The following DLG2 variants were observed in gnomAD, a reference collection of about 807,000 sequenced individuals.
DLG2 encodes disks large homolog 2.
In DLG2, 45 loss-of-function variants were observed where a neutral mutation model predicts 132.5. That is an observed-to-expected ratio of 0.34 (90% CI 0.27 to 0.44). The LOEUF (loss-of-function observed/expected upper bound fraction) is 0.44, where lower values mean the gene tolerates loss of function less well. Ranked by LOEUF, DLG2 falls within the 20% of genes least tolerant of loss-of-function variation. The pLI is 1.00. For missense variants in DLG2, 1,045 were observed against 1,196.9 expected, an observed-to-expected ratio of 0.87 and a Z score of 1.87; for synonymous variants, 424 against 419.6, an observed-to-expected ratio of 1.01 and a Z score of -0.13.
intron 2 of DLG2, among the ~76,000 whole-genome samples, chr11:85,625,765 CTT>C (rs2081996763): frequency 6.6e-6 from 1 of 152,298 alleles, no homozygotes; most frequent in South Asian, 2.1e-4. Flanking sequence ...ATTCAAAACT[CTT>C]GAGAAACTCT....
intron 18 of DLG2, among the ~76,000 whole-genome samples, chr11:83,687,666 A>G (rs2080058952): frequency 6.6e-6 from 1 of 151,858 alleles, no homozygotes; most frequent in African/African-American, 2.4e-5. Flanking sequence ...CTTTCATTTT[A>G]TTGACAAGAT....
chr11:85,416,458 G>GT (rs540610964), intron 3 of DLG2, among the ~76,000 whole-genome samples: 30 of 151,982 alleles, frequency 2.0e-4, no homozygotes, highest in African/African-American at 6.5e-4. Flanking sequence ...ATTTAAAGAA[G>GT]TTTTTTTTAA....
At chr11:84,040,282 T>G (rs1377413121) in intron 11 of DLG2, among the ~76,000 whole-genome samples, 7 of 152,102 alleles carry the variant, frequency 4.6e-5, no homozygotes, top group Non-Finnish European at 1.0e-4. Flanking sequence ...GTTTTGGACA[T>G]GAAGTCCTTG....
intron 18 of DLG2, 25 bp from the exon 19 acceptor site, chr11:83,633,350 A>G (rs1313157692): frequency 1.2e-6 from 2 of 1,600,484 alleles, no homozygotes; most frequent in Non-Finnish European, 1.7e-6. Flanking sequence ...AAAGGTAGCA[A>G]ATTTTGCTCT....
At position 85,348,395 on chromosome 11, in the gene DLG2, G is replaced by GT. The variant is rs538600938; in HGVS notation, c.41-63031dup. On this transcript the variant is annotated intron_variant, in intron 3 of 27. Coordinates refer to ENST00000376104, the MANE Select transcript of DLG2 (RefSeq NM_001142699.3). ...GCACCACCAAGCCCAGCTAATTTTT[G>GT]TACTTTCTTAGTAGAGACAGGGTTT... Among the ~76,000 whole-genome samples, 33 of 151,216 alleles carry GT rather than the reference G, an allele frequency of 2.2e-4. No homozygotes were observed. In the East Asian group the frequency reaches 6.3e-3, roughly 29 times the overall value.
At chr11:85,402,186 C>T (rs2152966090) in intron 3 of DLG2, among the ~76,000 whole-genome samples, 1 of 152,208 alleles carries the variant, frequency 6.6e-6, no homozygotes, top group African/African-American at 2.4e-5. Context: ...GAAATAACAC[C>T]ACACATCTAC....
At chr11:83,578,177 T>C (rs2096914185) in intron 19 of DLG2, among the ~76,000 whole-genome samples, 1 of 150,622 alleles carries the variant, frequency 6.6e-6, no homozygotes, top group Non-Finnish European at 1.5e-5. Flanking sequence ...GTACATGAAG[T>C]ATTATAATAT....
chr11:84,817,926 C>T (rs1180978743), intron 6 of DLG2, among the ~76,000 whole-genome samples: 4 of 151,928 alleles, frequency 2.6e-5, no homozygotes, highest in Non-Finnish European at 5.9e-5. Flanking sequence ...AGAATATTTT[C>T]TTCTCTAAAA....
At chr11:85,139,078 AAACTGATTTCCCCTAATTAG>A (rs1351685950) in intron 5 of DLG2, among the ~76,000 whole-genome samples, 27 of 152,140 alleles carry the variant, frequency 1.8e-4, no homozygotes, top group African/African-American at 6.5e-4. Context: ...AGACCTTCCC[AAACTGATTTCCCCTAATTAG>A]AATCTCTTCC....
chr11:83,629,502 T>A (rs1384387027), intron 19 of DLG2, among the ~76,000 whole-genome samples: 2 of 152,176 alleles, frequency 1.3e-5, no homozygotes, highest in African/African-American at 2.4e-5. Context: ...TCTCCCAGCA[T>A]CCTGGGTACT....
chr11:84,670,062 T>C (rs180843536), intron 6 of DLG2, among the ~76,000 whole-genome samples: 1 of 152,220 alleles, frequency 6.6e-6, no homozygotes, highest in East Asian at 1.9e-4. Context: ...AATGTATACA[T>C]AAGGACTGGA....
chr11:83,876,271 A>C (rs952822425), intron 15 of DLG2, among the ~76,000 whole-genome samples: 1 of 152,156 alleles, frequency 6.6e-6, no homozygotes, highest in Non-Finnish European at 1.5e-5. Context: ...TTGTTAAATA[A>C]ATAAACCATT....
chr11:83,874,333 G>C, intron 16 of DLG2, 87 bp downstream of exon 16: 1 of 874,720 alleles, frequency 1.1e-6, no homozygotes, highest in Non-Finnish European at 1.7e-6. Context: ...GGGAGGGAAG[G>C]AGAAAGAGAG....
intron 6 of DLG2, among the ~76,000 whole-genome samples, chr11:84,650,859 G>A (rs1565560613): frequency 2.3e-5 from 2 of 86,062 alleles, no homozygotes; most frequent in Non-Finnish European, 2.3e-5. Context: ...ATGTGTGTGT[G>A]TGTGTGTGTG....
At chr11:83,630,770 AGTCTCT>A (rs1024290408) in intron 19 of DLG2, among the ~76,000 whole-genome samples, 70 of 152,280 alleles carry the variant, frequency 4.6e-4, no homozygotes, top group African/African-American at 1.5e-3. Flanking sequence ...ATCACAGGCA[AGTCTCT>A]GTCTCTGTTC....
At chr11:84,186,515 T>C (rs2096279328) in intron 8 of DLG2, among the ~76,000 whole-genome samples, 1 of 151,978 alleles carries the variant, frequency 6.6e-6, no homozygotes, top group African/African-American at 2.4e-5. Flanking sequence ...AGTAATACTA[T>C]ATAATAGGTA....
At position 84,466,605 on chromosome 11, in the gene DLG2, G is replaced by A. The variant is rs573607230; in HGVS notation, c.519+67965C>T. On this transcript the variant is annotated intron_variant, in intron 7 of 27. Transcript: ENST00000376104. Reference sequence around the variant, plus strand: ...AGATACTCTTTCATGCTACAGGTTGGTAAAAATTCTAATTTGATAACACGC... The same window carrying A: ...AGATACTCTTTCATGCTACAGGTTGATAAAAATTCTAATTTGATAACACGC... Among the ~76,000 whole-genome samples, 12 of 151,434 alleles carry A rather than the reference G, an allele frequency of 7.9e-5. No individual in the cohort carries two copies. In the South Asian group the frequency reaches 2.5e-3, roughly 31 times the overall value.
At chr11:84,895,173 G>A (rs1300998285) in intron 6 of DLG2, among the ~76,000 whole-genome samples, 6 of 151,930 alleles carry the variant, frequency 3.9e-5, no homozygotes, top group Admixed American at 2.6e-4. Context: ...GTAAAATGAC[G>A]TTTAAACATA....
chr11:84,859,400 A>ATATG (rs1294577169), intron 6 of DLG2, among the ~76,000 whole-genome samples: 26 of 145,142 alleles, frequency 1.8e-4, no homozygotes, highest in African/African-American at 6.6e-4. Flanking sequence ...ATATATATGT[A>ATATG]TATATACATA....
Sources: gnomAD v4.1 joint callset for allele counts (sites outside exome capture counted in the v4.1 genomes callset) on GRCh38, gnomAD v4.1.1 for gene constraint, MANE v1.5 for transcripts, NCBI Gene and HGNC (gene_info 2026-07-23, HGNC 2026-07-21) for gene names.